The following COL9A1 variants were observed in gnomAD, a reference collection of about 807,000 sequenced individuals.
The protein encoded by COL9A1 is collagen alpha-1(IX) chain.
A neutral mutation model predicts 142.6 loss-of-function variants in COL9A1; 104 were observed. The ratio of observed to expected loss-of-function variants is 0.73; its 90% confidence interval spans 0.62 to 0.86. COL9A1 has a LOEUF of 0.86. Among genes scored for constraint, COL9A1 ranks in the 40% least tolerant of loss-of-function variants. The probability of loss-of-function intolerance (pLI) is 0.00; values close to 1 mark genes in which losing one functional copy is unlikely to be tolerated. For synonymous variants in COL9A1, 466 were observed against 396.0 expected (o/e 1.18, Z -2.10); for missense variants, 1,210 against 1,176.6 (o/e 1.03, Z -0.42).
At chr6:70,251,351 C>A (rs945597306) in intron 28 of COL9A1, among the ~76,000 whole-genome samples, 1 of 151,998 alleles carries the variant, frequency 6.6e-6, no homozygotes, top group African/African-American at 2.4e-5. Context: ...TCAAGACCAG[C>A]CTGGTCAACA....
chr6:70,253,490 A>G, intron 25 of COL9A1, 61 bp from the exon 26 acceptor site: 4 of 1,171,156 alleles, frequency 3.4e-6, no homozygotes, highest in Non-Finnish European at 5.1e-6. Flanking sequence ...ATGAGATGCC[A>G]AGCCCACTGC....
intron 21 of COL9A1, among the ~76,000 whole-genome samples, chr6:70,256,105 T>C (rs1300275714): frequency 6.6e-6 from 1 of 152,186 alleles, no homozygotes. Flanking sequence ...ACCCCTGTAC[T>C]TTGCTGTCTT....
intron 33 of COL9A1, 82 bp from the exon 34 acceptor site, chr6:70,235,022 A>AG: frequency 6.3e-7 from 1 of 1,580,458 alleles, no homozygotes; most frequent in Non-Finnish European, 8.6e-7. Flanking sequence ...CACTTATATG[A>AG]AATTTGCGGT....
rs182674097 is a variant in COL9A1, at chr6:70,217,339, C to T, written c.2582-258G>A. Among the ~76,000 whole-genome samples, 393 of 152,284 alleles carry T rather than the reference C, an allele frequency of 2.6e-3. 2 individuals are homozygous for T. Among genetic ancestry groups the T allele is most frequent in the African/African-American group, 8.8e-3 (366 of 41,554 alleles). On this transcript the variant is annotated intron_variant, in intron 37 of 37. Transcript: ENST00000357250. Reference sequence around the variant, plus strand: ...ACCCCCATTTCCATCAGTAGAGCTGCACCGTGCACCATGGTAGCCTCCAGC... The same window carrying T: ...ACCCCCATTTCCATCAGTAGAGCTGTACCGTGCACCATGGTAGCCTCCAGC...
intron 10 of COL9A1, among the ~76,000 whole-genome samples, chr6:70,276,325 A>C (rs1772758672): frequency 6.6e-6 from 1 of 152,144 alleles, no homozygotes; most frequent in Non-Finnish European, 1.5e-5. Context: ...ATATTTAACT[A>C]ACTGATCCTC....
intron 18 of COL9A1, among the ~76,000 whole-genome samples, 188 bp from the exon 19 acceptor site, chr6:70,263,485 C>T (rs1771823330): frequency 6.6e-6 from 1 of 151,802 alleles, no homozygotes; most frequent in Admixed American, 6.6e-5. Context: ...ACAGAGAAGC[C>T]TACATATAAA....
At position 70,259,893 on chromosome 6, in the gene COL9A1, A is replaced by G. The variant is rs539785574; in HGVS notation, c.1449+764T>C. On this transcript the variant is annotated intron_variant, in intron 20 of 37. Coordinates refer to ENST00000357250, the MANE Select transcript of COL9A1 (RefSeq NM_001851.6). ...AAGGGCAGGCTAGTGTCCTCCAGCCATAAGTGTATAACCCATGCTAAGGGC... is the reference window on the plus strand; with the variant it reads ...AAGGGCAGGCTAGTGTCCTCCAGCCGTAAGTGTATAACCCATGCTAAGGGC... Among the ~76,000 whole-genome samples, 351 of 152,200 alleles carry G rather than the reference A, an allele frequency of 2.3e-3. 3 individuals carry two copies. Among genetic ancestry groups the G allele is most frequent in the African/African-American group, 7.7e-3 (321 of 41,542 alleles).
intron 19 of COL9A1, 63 bp from the exon 20 acceptor site, chr6:70,260,773 T>C: frequency 4.0e-6 from 6 of 1,508,718 alleles, no homozygotes; most frequent in Non-Finnish European, 5.5e-6. Flanking sequence ...AAAAATCTCA[T>C]CACAAAAGCT....
chr6:70,274,580 G>T, intron 11 of COL9A1, 139 bp downstream of exon 11: 1 of 731,036 alleles, frequency 1.4e-6, no homozygotes, highest in East Asian at 2.7e-5. Flanking sequence ...CCACATCATG[G>T]TGTTTTTAAA....
rs41303785 is a variant in COL9A1, at chr6:70,280,967, G to A, written c.912+37C>T. 36,853 of 1,613,364 alleles carry A rather than the reference G, an allele frequency of 0.023. 519 individuals carry two copies. The highest frequency in any genetic ancestry group is 0.056 in the Middle Eastern group (338 of 6,058). ...AGGGGGCTGCAAAACACGTCTAAAG[G>A]AAGGAAGTGGAGCGCCATATGCTCC... On this transcript the variant is annotated intron_variant, in intron 9 of 37. Transcript: ENST00000357250.
intron 5 of COL9A1, among the ~76,000 whole-genome samples, chr6:70,285,351 G>T (rs1051639989): frequency 6.6e-6 from 1 of 152,082 alleles, no homozygotes; most frequent in African/African-American, 2.4e-5. Flanking sequence ...ACCGTTTTTT[G>T]GCATGAAATA....
intron 29 of COL9A1, among the ~76,000 whole-genome samples, chr6:70,242,427 G>A (rs886716521): frequency 2.6e-5 from 4 of 152,280 alleles, no homozygotes; most frequent in African/African-American, 9.6e-5. Flanking sequence ...GCCAAATGCA[G>A]CACTTCACAT....
chr6:70,270,163 A>G, intron 15 of COL9A1, 151 bp downstream of exon 15: 1 of 723,748 alleles, frequency 1.4e-6, no homozygotes, highest in Non-Finnish European at 2.5e-6. Context: ...CCTAAACAGA[A>G]CCATGCCCTT....
chr6:70,294,968 G>A (rs1000304606), intron 4 of COL9A1, among the ~76,000 whole-genome samples: 29 of 152,190 alleles, frequency 1.9e-4, no homozygotes, highest in Admixed American at 1.3e-3. Flanking sequence ...ATGTAAATCA[G>A]CTGTACTAGC....
chr6:70,229,543 T>A (rs1285361278), intron 36 of COL9A1, among the ~76,000 whole-genome samples: 3 of 152,188 alleles, frequency 2.0e-5, no homozygotes, highest in Non-Finnish European at 4.4e-5. Context: ...GAGAAAGGTG[T>A]TAGTCATAAT....
rs1768503030 is a variant in COL9A1 at position 70,216,366 on chromosome 6, GCCC to G, written c.*528_*530del. ...TAAAGAAATCATTTCGGGAGATGTA[GCCC>G]TTTCTTATCACTCCAGAGACAGCAC... On this transcript the variant is annotated 3_prime_UTR_variant, in exon 38 of 38. Coordinates refer to ENST00000357250, the MANE Select transcript of COL9A1 (RefSeq NM_001851.6). 6.3e-6 allele frequency: 1 copy of G among 158,688 alleles called. No homozygotes were observed. Among genetic ancestry groups the G allele is most frequent in the South Asian group, 1.8e-4 (1 of 5,456 alleles). The allele number at this position is 158,688 out of a possible 1,614,324, so 9.8% of individuals were successfully genotyped here.
intron 33 of COL9A1, among the ~76,000 whole-genome samples, chr6:70,237,762 C>T (rs142867823): frequency 6.6e-6 from 1 of 152,328 alleles, no homozygotes; most frequent in Non-Finnish European, 1.5e-5. Context: ...AAAAATGTTA[C>T]TTGAAACTTG....
Position 70,230,069 on chromosome 6 carries a change from G to A in COL9A1, c.2503+2514C>T, listed in dbSNP as rs192619485. ...TTCATACCATCCCTTCTTTACCAGG[G>A]ATGGGGAAAAAAGCCAGCAAGCAAT... On this transcript the variant is annotated intron_variant, in intron 36 of 37. Coordinates refer to ENST00000357250, the MANE Select transcript of COL9A1 (RefSeq NM_001851.6). Among the ~76,000 whole-genome samples, 555 of 152,272 alleles carry A rather than the reference G, an allele frequency of 3.6e-3. 3 individuals are homozygous for A. The highest frequency in any genetic ancestry group is 6.8e-3 in the Middle Eastern group (2 of 294).
intron 28 of COL9A1, 97 bp from the exon 29 acceptor site, chr6:70,242,812 C>T: frequency 1.6e-6 from 2 of 1,221,084 alleles, no homozygotes; most frequent in Middle Eastern, 1.9e-4. Context: ...GGTTTTTTTC[C>T]TTCAGCTAAA....
Sources: allele counts gnomAD v4.1 joint callset (sites outside exome capture counted in the v4.1 genomes callset), GRCh38; gene constraint gnomAD v4.1.1; transcripts MANE v1.5; gene names NCBI Gene and HGNC (gene_info 2026-07-23, HGNC 2026-07-21).